EFCAB12: variants seen among roughly 807,000 people sequenced by gnomAD.
The protein encoded by EFCAB12 is EF-hand calcium-binding domain-containing protein 12.
Under a neutral mutation model 53.6 loss-of-function variants are expected in EFCAB12, and 43 were observed. The observed-to-expected ratio is 0.80, with a 90% CI of 0.63 to 1.03. The LOEUF is 1.03. EFCAB12 is among the 50% of genes least tolerant of loss of function. The pLI, the probability that EFCAB12 is intolerant of heterozygous loss-of-function variation, is 0.00. For synonymous variants in EFCAB12, 269 were observed against 289.2 expected, an observed-to-expected ratio of 0.93 and a Z score of 0.71; for missense variants, 646 against 730.6, an observed-to-expected ratio of 0.88 and a Z score of 1.34.
intron 5 of EFCAB12, among the ~76,000 whole-genome samples, chr3:129,410,658 G>A (rs2072025103): frequency 6.6e-6 from 1 of 152,152 alleles, no homozygotes; most frequent in Admixed American, 6.6e-5. Context: ...TTGTATTGAT[G>A]TTGTCTGCCT....
Position 129,401,486 on chromosome 3 carries a change from T to C in EFCAB12, c.*107A>G. 2.1e-6 allele frequency: 3 copies of C among 1,405,622 alleles called. No individual in the cohort carries two copies. The highest frequency in any genetic ancestry group is 2.8e-6 in the Non-Finnish European group (3 of 1,060,590). 87.1% of individuals were successfully genotyped at this position (1,405,622 alleles called of 1,614,324 possible). A position where few individuals can be genotyped will look rare whatever the true frequency, so the allele number is the denominator to read the frequency against. ...CCCGGTCCATCCCTCTTTGAAAGGA[T>C]TTCTTTAGTTTGACTCTTTGACACT... On this transcript the variant is annotated 3_prime_UTR_variant, in exon 9 of 9. Transcript: ENST00000505956.
intron 2 of EFCAB12, among the ~76,000 whole-genome samples, chr3:129,421,038 C>G (rs761093586): frequency 6.6e-6 from 1 of 152,256 alleles, no homozygotes; most frequent in Non-Finnish European, 1.5e-5. Context: ...TTGCCCCAGT[C>G]AAGCCTTCAG....
At chr3:129,405,790 T>C (rs1444192952) in intron 6 of EFCAB12, among the ~76,000 whole-genome samples, 2 of 152,114 alleles carry the variant, frequency 1.3e-5, no homozygotes, top group African/African-American at 2.4e-5. Context: ...AGATACCGAA[T>C]AGCAAGTGGC....
intron 7 of EFCAB12, 155 bp downstream of exon 7, chr3:129,404,095 T>G (rs1367941698): frequency 2.0e-6 from 2 of 976,328 alleles, no homozygotes; most frequent in African/African-American, 3.3e-5. Context: ...GACTGGCCAG[T>G]CTGCAGTGAG....
chr3:129,427,378 CT>C (rs11317812), intron 1 of EFCAB12, among the ~76,000 whole-genome samples: 57,818 of 152,058 alleles, frequency 0.38, 17,766 homozygotes, highest in African/African-American at 0.83. Context: ...AGTACGTTCT[CT>C]TATCTCTGTG....
chr3:129,409,419 G>T (rs1023037061), intron 5 of EFCAB12, among the ~76,000 whole-genome samples: 2 of 152,146 alleles, frequency 1.3e-5, no homozygotes, highest in Non-Finnish European at 2.9e-5. Flanking sequence ...CTCCAGCCTG[G>T]GCAGTAGAGT....
Position 129,402,765 on chromosome 3 carries a change from T to G in EFCAB12, c.1404-186A>C, listed in dbSNP as rs1235832210. On this transcript the variant is annotated intron_variant, in intron 7 of 8. Transcript: ENST00000505956. ...GCCTCCATGCTCCAGGGGAACACAG[T>G]GGGCTTGGGTCAGCTGGACCTACCC... is the stretch of plus-strand genomic sequence containing the variant. The G allele has an allele frequency of 5.0e-6, 3 of 597,618 alleles. No homozygotes were observed. In the East Asian group the frequency reaches 8.9e-5, roughly 18 times the overall value. 37.0% of individuals were successfully genotyped at this position (597,618 alleles called of 1,614,324 possible). A position where few individuals can be genotyped will look rare whatever the true frequency, so the allele number is the denominator to read the frequency against.
intron 7 of EFCAB12, chr3:129,403,515 TG>T (rs2107735028): frequency 6.6e-6 from 1 of 152,352 alleles, no homozygotes; most frequent in South Asian, 2.1e-4. Context: ...ACACACCCAG[TG>T]GGCAGCTGGC....
At position 129,401,546 on chromosome 3, in the gene EFCAB12, C is replaced by A; in HGVS notation, c.*47G>T. On this transcript the variant is annotated 3_prime_UTR_variant, in exon 9 of 9. Coordinates refer to ENST00000505956, the MANE Select transcript of EFCAB12 (RefSeq NM_207307.3). ...TCTGGGCTCTGGGCCGCTGGCTGCA[C>A]TGGCCCCTGGCCCAGGAAGGCTGGG... 1 of 1,476,044 alleles carries A rather than the reference C, an allele frequency of 6.8e-7. No individual in the cohort carries two copies. Among genetic ancestry groups the A allele is most frequent in the Non-Finnish European group, 9.0e-7 (1 of 1,106,542 alleles). The allele number at this position is 1,476,044 out of a possible 1,614,324, so 91.4% of individuals were successfully genotyped here.
At chr3:129,424,758 G>A (rs28605823) in intron 1 of EFCAB12, among the ~76,000 whole-genome samples, 3,305 of 152,300 alleles carry the variant, frequency 0.022, 100 homozygotes, top group African/African-American at 0.071. Context: ...AGTATTTATT[G>A]AGAATCCCCC....
intron 2 of EFCAB12, among the ~76,000 whole-genome samples, chr3:129,418,813 G>A (rs61404223): frequency 6.6e-6 from 1 of 151,888 alleles, no homozygotes; most frequent in Non-Finnish European, 1.5e-5. Flanking sequence ...CCCCATCCCC[G>A]CCCCCAGCCT....
At chr3:129,417,903 G>A (rs932095961) in intron 3 of EFCAB12, among the ~76,000 whole-genome samples, 1 of 152,056 alleles carries the variant, frequency 6.6e-6, no homozygotes, top group Non-Finnish European at 1.5e-5. Flanking sequence ...GTGACAGTTG[G>A]AGACACTCTA....
At chr3:129,423,635 A>T (rs1024318472) in intron 1 of EFCAB12, among the ~76,000 whole-genome samples, 10 of 152,118 alleles carry the variant, frequency 6.6e-5, no homozygotes, top group South Asian at 2.1e-4. Context: ...AAAAAAATTT[A>T]AAAAAATCAG....
chr3:129,421,179 A>G (rs1158711836), intron 2 of EFCAB12, among the ~76,000 whole-genome samples, 188 bp downstream of exon 2: 1 of 152,252 alleles, frequency 6.6e-6, no homozygotes, highest in Admixed American at 6.5e-5. Flanking sequence ...TGTTGCTTTC[A>G]GTCATTTGGG....
At chr3:129,420,787 T>C (rs922210701) in intron 2 of EFCAB12, among the ~76,000 whole-genome samples, 1 of 152,226 alleles carries the variant, frequency 6.6e-6, no homozygotes, top group Non-Finnish European at 1.5e-5. Context: ...AGGGACTCAC[T>C]TCTGACAAAG....
chr3:129,418,504 C>A lies in EFCAB12; in HGVS notation c.487-56G>T. ...GAGAGTTCAAAGGAGACAGGCCAGG[C>A]GGATGCAGTCCCCAGAGTTAGGGAC... On this transcript the variant is annotated intron_variant, in intron 2 of 8. Coordinates refer to ENST00000505956, the MANE Select transcript of EFCAB12 (RefSeq NM_207307.3). The A allele has an allele frequency of 2.0e-6, 3 of 1,475,786 alleles. No homozygotes were observed. The South Asian group carries it at 4.0e-5, about 20-fold the overall frequency. 91.4% of individuals were successfully genotyped at this position (1,475,786 alleles called of 1,614,324 possible). A position where few individuals can be genotyped will look rare whatever the true frequency, so the allele number is the denominator to read the frequency against.
rs928741454 is a variant in EFCAB12, at chr3:129,409,157, A to C, written c.1036-299T>G. On this transcript the variant is annotated intron_variant, in intron 5 of 8. Coordinates refer to ENST00000505956, the MANE Select transcript of EFCAB12 (RefSeq NM_207307.3). ...TGCCCTAGAGGCGTCCTATTGAAAAAGGACATTCGCGGGGCCACAAGATGG... is the reference window on the plus strand; with the variant it reads ...TGCCCTAGAGGCGTCCTATTGAAAACGGACATTCGCGGGGCCACAAGATGG... Among the ~76,000 whole-genome samples the C allele has an allele frequency of 3.3e-5, 5 of 152,276 alleles. No individual in the cohort carries two copies. In the East Asian group the frequency reaches 9.6e-4, roughly 29 times the overall value.
At position 129,408,827 on chromosome 3, in the gene EFCAB12, T is replaced by C. The variant is rs767962575; in HGVS notation, c.1067A>G (p.Gln356Arg). Residue 356 changes from glutamine to arginine, a missense_variant, in exon 6 of 9, where the codon CAA becomes CGA. By Grantham distance (43) the Gln-to-Arg change is conservative (BLOSUM62 1). Coordinates refer to ENST00000505956, the MANE Select transcript of EFCAB12 (RefSeq NM_207307.3). ...LTIPSIQYTE[Q>R]CHLVRCGNRH... ...ATTCCCACAGCGCACCAGGTGACATTGCTCCGTGTACTGGATGGAGGGGAT... is the reference window on the plus strand; with the variant it reads ...ATTCCCACAGCGCACCAGGTGACATCGCTCCGTGTACTGGATGGAGGGGAT... 71 of 1,575,364 alleles carry C rather than the reference T, an allele frequency of 4.5e-5. No individual in the cohort carries two copies. The highest frequency in any genetic ancestry group is 5.7e-5 in the Non-Finnish European group (66 of 1,160,452).
chr3:129,417,819 A>G (rs1026669523), intron 3 of EFCAB12, among the ~76,000 whole-genome samples: 7 of 152,176 alleles, frequency 4.6e-5, no homozygotes, highest in South Asian at 2.1e-4. Context: ...GAAATACAGC[A>G]TCTTTTGATG....
Sources: gnomAD v4.1 joint callset for allele counts (sites outside exome capture counted in the v4.1 genomes callset) on GRCh38, gnomAD v4.1.1 for gene constraint, MANE v1.5 for transcripts, NCBI Gene and HGNC (gene_info 2026-07-23, HGNC 2026-07-21) for gene names.